The following SLC36A1 variants were observed in gnomAD, a reference collection of about 807,000 sequenced individuals.
SLC36A1 encodes the protein proton-coupled amino acid transporter 1.
A neutral mutation model predicts 47.5 loss-of-function variants in SLC36A1; 30 were observed. The ratio of observed to expected loss-of-function variants is 0.63; its 90% CI spans 0.47 to 0.86. The LOEUF (loss-of-function observed/expected upper bound fraction) is 0.86. Among genes scored for constraint, SLC36A1 ranks in the 40% least tolerant of loss-of-function variants. The pLI is 0.00. For synonymous variants in SLC36A1, 255 were observed against 249.7 expected (o/e 1.02, Z -0.20); for missense variants, 517 against 606.0 (o/e 0.85, Z 1.54).
upstream of SLC36A1, among the ~76,000 whole-genome samples, chr5:151,442,971 C>A (rs887590064): frequency 1.3e-5 from 2 of 152,124 alleles, no homozygotes; most frequent in Non-Finnish European, 2.9e-5. Context: ...TGGCAAATGG[C>A]AGGACTCCTT....
intron 2 of SLC36A1, among the ~76,000 whole-genome samples, chr5:151,461,871 A>T (rs1755568309): frequency 6.6e-6 from 1 of 152,136 alleles, no homozygotes; most frequent in Non-Finnish European, 1.5e-5. Flanking sequence ...GGAAGTATGC[A>T]TGAAGTACTT....
the SLC36A1 span, among the ~76,000 whole-genome samples, chr5:151,538,397 A>C: frequency 6.6e-6 from 1 of 152,156 alleles, no homozygotes; most frequent in Non-Finnish European, 1.5e-5. Context: ...AGGCCATGCT[A>C]TTAAGCTCAT....
At chr5:151,468,921 CA>C (rs1756961127) in intron 7 of SLC36A1, among the ~76,000 whole-genome samples, 1 of 152,064 alleles carries the variant, frequency 6.6e-6, no homozygotes. Flanking sequence ...TTAACCCATG[CA>C]GGCAAGTCTG....
chr5:151,522,626 T>C, the SLC36A1 span, among the ~76,000 whole-genome samples: 63,609 of 152,066 alleles, frequency 0.42, 14,355 homozygotes, highest in East Asian at 0.79. Context: ...ACCAAATAAC[T>C]TGGATAAAAT....
chr5:151,375,576 G>T, the SLC36A1 span, among the ~76,000 whole-genome samples: 11 of 150,838 alleles, frequency 7.3e-5, no homozygotes, highest in African/African-American at 2.4e-4. Context: ...AAATTTTAAG[G>T]TTTTTTTTTC....
chr5:151,534,695 G>A, the SLC36A1 span: 3 of 1,480,832 alleles, frequency 2.0e-6, no homozygotes, highest in African/African-American at 1.4e-5. Context: ...TATTACCCAA[G>A]CATGTGCCCT....
At chr5:151,432,064 T>G (rs779379262), upstream of SLC36A1, among the ~76,000 whole-genome samples, 2 of 152,202 alleles carry the variant, frequency 1.3e-5, no homozygotes, top group Middle Eastern at 3.2e-3. Flanking sequence ...TCACAGTTGC[T>G]CTGACAATCT....
At chr5:151,406,221 G>C in the SLC36A1 span, among the ~76,000 whole-genome samples, 3 of 152,218 alleles carry the variant, frequency 2.0e-5, no homozygotes, top group Admixed American at 6.5e-5. Flanking sequence ...GAAACCTGCA[G>C]ATCCCTAGAA....
At chr5:151,529,376 G>A in the SLC36A1 span, 148 of 1,613,714 alleles carry the variant, frequency 9.2e-5, no homozygotes, top group East Asian at 1.1e-4. Context: ...CCAGGCTTGC[G>A]TTGACATACA....
At chr5:151,507,644 A>G in the SLC36A1 span, 1 of 1,554,474 alleles carries the variant, frequency 6.4e-7, no homozygotes, top group Non-Finnish European at 8.7e-7. Flanking sequence ...GGGCCAAGTC[A>G]TGAAATTGCC....
At chr5:151,513,939 C>T in the SLC36A1 span, among the ~76,000 whole-genome samples, 923 of 152,170 alleles carry the variant, frequency 6.1e-3, 5 homozygotes, top group Non-Finnish European at 0.011. Context: ...TGTAAAAAGT[C>T]CTGAAGTCAA....
At chr5:151,464,664 C>A in intron 4 of SLC36A1, 62 bp downstream of exon 4, 1 of 1,416,858 alleles carries the variant, frequency 7.1e-7, no homozygotes, top group Non-Finnish European at 9.9e-7. Context: ...TGTTATCAAC[C>A]CTGAAAATGA....
At chr5:151,385,986 C>T in the SLC36A1 span, among the ~76,000 whole-genome samples, 2 of 151,680 alleles carry the variant, frequency 1.3e-5, no homozygotes, top group Non-Finnish European at 2.9e-5. Flanking sequence ...ATTCTCCTGC[C>T]TTACCCTGCC....
At chr5:151,522,010 G>T in the SLC36A1 span, 10 of 1,614,058 alleles carry the variant, frequency 6.2e-6, no homozygotes, top group South Asian at 1.1e-4. Flanking sequence ...AGCAGAAGGT[G>T]CATAGTGGCT....
chr5:151,355,805 C>T, the SLC36A1 span, among the ~76,000 whole-genome samples: 3 of 152,290 alleles, frequency 2.0e-5, 1 homozygote, highest in South Asian at 6.2e-4. Flanking sequence ...AAACCGCATA[C>T]ATCTCCAACT....
At chr5:151,368,140 G>A in the SLC36A1 span, among the ~76,000 whole-genome samples, 1 of 152,162 alleles carries the variant, frequency 6.6e-6, no homozygotes, top group East Asian at 1.9e-4. Flanking sequence ...ATTGATCATT[G>A]ACTAAAGACA....
At chr5:151,538,887 T>C in the SLC36A1 span, among the ~76,000 whole-genome samples, 6 of 151,796 alleles carry the variant, frequency 4.0e-5, no homozygotes, top group Non-Finnish European at 7.4e-5. Flanking sequence ...GGTTTCACCA[T>C]GTTGGCCAGG....
chr5:151,545,811 T>C, the SLC36A1 span: 3 of 1,614,212 alleles, frequency 1.9e-6, no homozygotes, highest in Non-Finnish European at 2.5e-6. Flanking sequence ...TGCTATACAG[T>C]GGAGCTGCTT....
At chr5:151,548,091 C>G in the SLC36A1 span, among the ~76,000 whole-genome samples, 1 of 152,110 alleles carries the variant, frequency 6.6e-6, no homozygotes, top group African/African-American at 2.4e-5. Context: ...AATCCATATT[C>G]TTCTTCAGCG....
Sources: allele counts gnomAD v4.1 joint callset (sites outside exome capture counted in the v4.1 genomes callset), GRCh38; gene constraint gnomAD v4.1.1; transcripts MANE v1.5; gene names NCBI Gene and HGNC (gene_info 2026-07-23, HGNC 2026-07-21).